The following PKD1L1 variants were observed in gnomAD, a reference collection of about 807,000 sequenced individuals.
PKD1L1 encodes the protein polycystin 1 like 1, transient receptor potential channel interacting, also known as polycystin-1-like protein 1.
A neutral mutation model predicts 323.4 loss-of-function variants in PKD1L1; 236 were observed. The ratio of observed to expected loss-of-function variants is 0.73; its 90% CI spans 0.66 to 0.81. The LOEUF is 0.81. Ranked by LOEUF, PKD1L1 falls within the 40% of genes least tolerant of loss-of-function variation. The pLI is 0.00. For synonymous variants in PKD1L1, 1,344 were observed against 1,335.0 expected (o/e 1.01, Z -0.15); for missense variants, 3,320 against 3,508.0 (o/e 0.95, Z 1.35).
chr7:47,894,154 A>T, intron 14 of PKD1L1, 95 bp from the exon 15 acceptor site: 3 of 1,104,192 alleles, frequency 2.7e-6, no homozygotes, highest in Non-Finnish European at 3.8e-6. Flanking sequence ...AAGGAAGCCG[A>T]CGAGTCTCAA....
chr7:47,877,454 G>C (rs765967234), intron 22 of PKD1L1, 35 bp downstream of exon 22: 1 of 1,609,488 alleles, frequency 6.2e-7, no homozygotes, highest in Non-Finnish European at 8.5e-7. Context: ...CACTGTCGGG[G>C]GTCTCTCAGG....
chr7:47,785,486 A>T (rs1287040134), intron 56 of PKD1L1, among the ~76,000 whole-genome samples: 1 of 152,094 alleles, frequency 6.6e-6, no homozygotes, highest in Non-Finnish European at 1.5e-5. Context: ...TGCAGACACG[A>T]ACTCCTTTAA....
At chr7:47,821,815 G>C (rs144467865) in intron 45 of PKD1L1, among the ~76,000 whole-genome samples, 1 of 151,844 alleles carries the variant, frequency 6.6e-6, no homozygotes, top group South Asian at 2.1e-4. Context: ...AGCCTCCTGA[G>C]TAGCAGGGAT....
intron 52 of PKD1L1, 121 bp from the exon 53 acceptor site, chr7:47,803,465 T>C (rs1385615406): frequency 1.7e-6 from 2 of 1,159,894 alleles, no homozygotes; most frequent in African/African-American, 1.5e-5. Context: ...TATAGACCCA[T>C]GAGTCTCCGA....
At chr7:47,931,643 A>G (rs1053498143) in intron 5 of PKD1L1, among the ~76,000 whole-genome samples, 1 of 152,284 alleles carries the variant, frequency 6.6e-6, no homozygotes, top group African/African-American at 2.4e-5. Flanking sequence ...ATAGAAAATT[A>G]GCAATTGCAT....
chr7:47,792,397 G>A (rs1562931611), intron 56 of PKD1L1, among the ~76,000 whole-genome samples: 2 of 152,010 alleles, frequency 1.3e-5, no homozygotes, highest in South Asian at 2.1e-4. Flanking sequence ...CAGAAATAAG[G>A]GGCAGACAGA....
chr7:47,807,244 T>C (rs1784799011), intron 52 of PKD1L1, among the ~76,000 whole-genome samples: 2 of 151,884 alleles, frequency 1.3e-5, no homozygotes, highest in South Asian at 4.1e-4. Flanking sequence ...GCCTAGGGAG[T>C]TTCTCTTGCT....
At chr7:47,881,548 C>T (rs766066215) in intron 20 of PKD1L1, among the ~76,000 whole-genome samples, 27 of 152,270 alleles carry the variant, frequency 1.8e-4, no homozygotes, top group South Asian at 1.0e-3. Flanking sequence ...GAAATTCAAT[C>T]GCTCTTCAGG....
intron 20 of PKD1L1, among the ~76,000 whole-genome samples, chr7:47,881,489 T>C (rs1194998979): frequency 6.6e-6 from 1 of 152,152 alleles, no homozygotes; most frequent in Non-Finnish European, 1.5e-5. Context: ...AAGGGGGAAA[T>C]ACAACAAATT....
chr7:47,814,035 A>G, intron 47 of PKD1L1, 21 bp from the exon 48 acceptor site: 1 of 1,605,708 alleles, frequency 6.2e-7, no homozygotes. Flanking sequence ...AAAAAAGATG[A>G]TGAGGACTGG....
chr7:47,812,239 C>A (rs186190447), intron 49 of PKD1L1, among the ~76,000 whole-genome samples, 188 bp from the exon 50 acceptor site: 1 of 152,224 alleles, frequency 6.6e-6, no homozygotes, highest in Admixed American at 6.5e-5. Flanking sequence ...CAATAGCCCT[C>A]TGTCCTCTCT....
chr7:47,938,385 T>C (rs1169474570), intron 3 of PKD1L1, among the ~76,000 whole-genome samples: 1 of 152,098 alleles, frequency 6.6e-6, no homozygotes, highest in Non-Finnish European at 1.5e-5. Flanking sequence ...CTCTGTGGCC[T>C]CCCAGAGCAG....
chr7:47,775,180 A>G lies in PKD1L1; in HGVS notation c.8527-14T>C. 6.2e-7 allele frequency: 1 copy of G among 1,614,076 alleles called. No individual in the cohort carries two copies. Among genetic ancestry groups the G allele is most frequent in the Non-Finnish European group, 8.5e-7 (1 of 1,179,952 alleles). On this transcript the variant is annotated splice_polypyrimidine_tract_variant and intron_variant, in intron 56 of 56. Transcript: ENST00000289672. ...GATGTCTGCTGGCTAAAAAGAAAAAATGAAAAACATACTGAAACAACACCC... is the reference window on the plus strand; with the variant it reads ...GATGTCTGCTGGCTAAAAAGAAAAAGTGAAAAACATACTGAAACAACACCC...
chr7:47,814,995 C>A (rs767437810), intron 47 of PKD1L1, among the ~76,000 whole-genome samples: 3 of 152,168 alleles, frequency 2.0e-5, no homozygotes, highest in Non-Finnish European at 4.4e-5. Context: ...GTATTTTGCA[C>A]ACGGAACTAG....
intron 7 of PKD1L1, among the ~76,000 whole-genome samples, chr7:47,926,502 C>T (rs958694703): frequency 2.0e-5 from 3 of 152,168 alleles, no homozygotes; most frequent in Non-Finnish European, 2.9e-5. Flanking sequence ...TTCTTAGGAC[C>T]TCCTGGAGCT....
rs1233392301 is a variant in PKD1L1 at position 47,812,016 on chromosome 7, G to A, written c.7382C>T (p.Ala2461Val). The A allele has an allele frequency of 1.3e-6, 2 of 1,577,606 alleles. No homozygotes were observed. Among genetic ancestry groups the A allele is most frequent in the Non-Finnish European group, 1.7e-6 (2 of 1,161,616 alleles). ...GGTGCTGCGGTCAATCCACATGCTG[G>A]CCCTGAGTCGGGACAGGGCTGTGTG... ...EAHTALSRLR[A>V]SMWIDRSTRA... Residue 2461 changes from alanine (A) to valine (V), a missense_variant, in exon 50 of 57, where the codon GCC becomes GTC. Coordinates refer to ENST00000289672, the MANE Select transcript of PKD1L1 (RefSeq NM_138295.5).
At chr7:47,872,080 T>C (rs1000045553) in intron 24 of PKD1L1, among the ~76,000 whole-genome samples, 5 of 152,214 alleles carry the variant, frequency 3.3e-5, no homozygotes, top group African/African-American at 1.2e-4. Context: ...AGCAGGGTTA[T>C]AGGATACAAG....
chr7:47,930,816 A>C (rs966865760), intron 6 of PKD1L1, among the ~76,000 whole-genome samples: 10 of 152,296 alleles, frequency 6.6e-5, no homozygotes, highest in South Asian at 4.1e-4. Context: ...CTCTGTCAAA[A>C]AAACAAACAA....
At chr7:47,940,600 A>G (rs1787965916) in intron 2 of PKD1L1, among the ~76,000 whole-genome samples, 1 of 152,228 alleles carries the variant, frequency 6.6e-6, no homozygotes, top group South Asian at 2.1e-4. Context: ...TTCCAGAAAC[A>G]CCCAGTGGTC....
Sources: gnomAD v4.1 joint callset for allele counts (sites outside exome capture counted in the v4.1 genomes callset) on GRCh38, gnomAD v4.1.1 for gene constraint, MANE v1.5 for transcripts, NCBI Gene and HGNC (gene_info 2026-07-23, HGNC 2026-07-21) for gene names.